ZFAND4: variants seen among roughly 807,000 people sequenced by gnomAD.
ZFAND4 encodes the protein zinc finger AN1-type containing 4.
Under a neutral mutation model 64.4 loss-of-function variants are expected in ZFAND4, and 43 were observed. The observed-to-expected ratio is 0.67, with a 90% CI of 0.52 to 0.86. The LOEUF is 0.86. Ranked by LOEUF, ZFAND4 falls within the 40% of genes least tolerant of loss-of-function variation. ZFAND4 has a pLI of 0.00. For synonymous variants in ZFAND4, 296 were observed against 305.7 expected (o/e 0.97, Z 0.33); for missense variants, 929 against 859.8 (o/e 1.08, Z -1.01).
At chr10:45,620,034 G>A (rs543062780) in intron 8 of ZFAND4, among the ~76,000 whole-genome samples, 10 of 152,250 alleles carry the variant, frequency 6.6e-5, no homozygotes, top group Non-Finnish European at 1.5e-4. Context: ...TAATCTACTC[G>A]AAACCATCTT....
At chr10:45,658,477 A>C (rs1261217325) in intron 2 of ZFAND4, among the ~76,000 whole-genome samples, 2 of 152,242 alleles carry the variant, frequency 1.3e-5, no homozygotes, top group Admixed American at 6.5e-5. Context: ...TTGCTATGAC[A>C]GCCCTAGCAA....
Position 45,648,433 on chromosome 10 carries a change from C to A in ZFAND4, c.430G>T (p.Val144Leu). ...TTCAATTGATCTCCTTCTTGGTATA[C>A]CAAAAATGTAACTTGTTTGCTGCAG... ...TSCSKQVTFL[V>L]YQEGDQLNFF... Residue 144 changes from valine to leucine, a missense_variant, in exon 5 of 10, where the codon GTA (valine) becomes TTA (leucine). Coordinates refer to ENST00000344646, the MANE Select transcript of ZFAND4 (RefSeq NM_174890.4). 1 of 1,613,884 alleles carries A rather than the reference C, an allele frequency of 6.2e-7. No homozygotes were observed. Among genetic ancestry groups the A allele is most frequent in the Non-Finnish European group, 8.5e-7 (1 of 1,179,958 alleles).
chr10:45,656,460 C>T (rs1343329986), intron 2 of ZFAND4, among the ~76,000 whole-genome samples: 1 of 138,366 alleles, frequency 7.2e-6, no homozygotes, highest in East Asian at 2.1e-4. Flanking sequence ...TGTAATGGTG[C>T]CACTGCACTC....
chr10:45,619,202 C>CT (rs1170186965), intron 8 of ZFAND4, among the ~76,000 whole-genome samples: 78 of 147,304 alleles, frequency 5.3e-4, no homozygotes, highest in African/African-American at 9.9e-4. Flanking sequence ...CCACGCTCAG[C>CT]TTTTTTTTTT....
intron 1 of ZFAND4, among the ~76,000 whole-genome samples, chr10:45,665,286 TC>T (rs1356828431): frequency 6.6e-6 from 1 of 152,126 alleles, no homozygotes; most frequent in Admixed American, 6.5e-5. Context: ...ACACCTGTAA[TC>T]CCAGCACGTT....
chr10:45,638,327 CAAA>C (rs1332591563), intron 6 of ZFAND4, among the ~76,000 whole-genome samples: 2 of 99,012 alleles, frequency 2.0e-5, no homozygotes, highest in African/African-American at 3.6e-5. Flanking sequence ...ACTAAAAATA[CAAA>C]AAAAAAAAAA....
intron 6 of ZFAND4, among the ~76,000 whole-genome samples, chr10:45,637,248 C>G (rs11239579): frequency 0.99 from 150,266 of 151,502 alleles, 74,536 homozygotes; most frequent in Middle Eastern, 1. Context: ...GGCTGAGGCA[C>G]GAGAATCACT....
rs536732420 is a variant in ZFAND4 at position 45,633,851 on chromosome 10, C to T, written c.717+5965G>A. ...ATCTATATTCTTCAAAAATATTTTACATGCATGTCCAAATAAGGCTTAGAA... is the reference window on the plus strand; with the variant it reads ...ATCTATATTCTTCAAAAATATTTTATATGCATGTCCAAATAAGGCTTAGAA... On this transcript the variant is annotated intron_variant, in intron 6 of 9. Coordinates refer to ENST00000344646, the MANE Select transcript of ZFAND4 (RefSeq NM_174890.4). 4.6e-5 allele frequency among the ~76,000 whole-genome samples: 7 copies of T among 152,258 alleles called. No individual in the cohort carries two copies. In the South Asian group the frequency reaches 1.0e-3, roughly 23 times the overall value.
At chr10:45,638,685 A>T (rs955708887) in intron 6 of ZFAND4, among the ~76,000 whole-genome samples, 2 of 152,336 alleles carry the variant, frequency 1.3e-5, no homozygotes, top group African/African-American at 4.8e-5. Flanking sequence ...AAAAGCCAAA[A>T]GCTAGAGACA....
chr10:45,654,546 G>A (rs868641896), intron 2 of ZFAND4, among the ~76,000 whole-genome samples: 9 of 151,978 alleles, frequency 5.9e-5, no homozygotes, highest in African/African-American at 2.2e-4. Context: ...TTGAACCTGG[G>A]AGGCAGAGGT....
chr10:45,663,907 C>T (rs1589436970), intron 1 of ZFAND4, 65 bp from the exon 2 acceptor site: 1 of 493,004 alleles, frequency 2.0e-6, no homozygotes, highest in Non-Finnish European at 3.4e-6. Flanking sequence ...AAAGATTTTC[C>T]GTTAACTGTG....
In ZFAND4 at chr10:45,627,051, T is replaced by C. The variant is rs149990764; in HGVS notation, c.772A>G (p.Ser258Gly). ...TGGCGAGATGGTGCAGTGGAACCAC[T>C]AGAAGGTCGAGGAGCTACAGGTGGG... is the stretch of plus-strand genomic sequence containing the variant. ...PHPPVAPRPS[S>G]GSTAPSRHRL... The change falls in exon 7 of 10, where the codon AGT (serine) becomes GGT (glycine). Residue 258 changes from serine (S) to glycine (G), a missense_variant. Ser to Gly is a moderately conservative substitution (Grantham distance 56, BLOSUM62 0). Coordinates refer to ENST00000344646, the MANE Select transcript of ZFAND4 (RefSeq NM_174890.4). The C allele has an allele frequency of 1.3e-6, 2 of 1,590,874 alleles. No individual in the cohort carries two copies. The highest frequency in any genetic ancestry group is 4.5e-5 in the East Asian group (2 of 44,698).
chr10:45,649,695 A>G (rs2047632472), intron 4 of ZFAND4: 1 of 152,246 alleles, frequency 6.6e-6, no homozygotes, highest in Non-Finnish European at 1.5e-5. Flanking sequence ...CCCAAAATGT[A>G]TAAATATTAA....
intron 6 of ZFAND4, among the ~76,000 whole-genome samples, chr10:45,633,067 A>T (rs1453640212): frequency 6.6e-6 from 1 of 152,164 alleles, no homozygotes; most frequent in Non-Finnish European, 1.5e-5. Context: ...CACAGTGAAA[A>T]TATGTTATTA....
intron 5 of ZFAND4, among the ~76,000 whole-genome samples, chr10:45,645,984 G>GA (rs140967230): frequency 0.06 from 9,061 of 151,380 alleles, 393 homozygotes; most frequent in African/African-American, 0.12. Context: ...CTATCTGTGT[G>GA]AAAAAAAAAT....
At chr10:45,635,053 A>G (rs1477300872) in intron 6 of ZFAND4, among the ~76,000 whole-genome samples, 1 of 152,016 alleles carries the variant, frequency 6.6e-6, no homozygotes, top group Admixed American at 6.6e-5. Context: ...TATTGTTAAA[A>G]TGTCCATACT....
intron 1 of ZFAND4, among the ~76,000 whole-genome samples, chr10:45,666,670 C>T (rs977301652): frequency 1.3e-5 from 2 of 152,096 alleles, no homozygotes; most frequent in African/African-American, 4.8e-5. Flanking sequence ...GTGTACTGTC[C>T]AATTTCAATT....
chr10:45,638,362 C>T (rs1399357616), intron 6 of ZFAND4, among the ~76,000 whole-genome samples: 6 of 150,568 alleles, frequency 4.0e-5, no homozygotes, highest in African/African-American at 1.2e-4. Context: ...GGCGTAGTGG[C>T]GGGCGCCTGT....
In ZFAND4 at chr10:45,639,904, G is replaced by A. The variant is rs755701554; in HGVS notation, c.629C>T (p.Ser210Phe). Reference protein sequence around the residue: ...DEDEETEPSSSGQQIIENSIT... With the variant: ...DEDEETEPSSFGQQIIENSIT... ...TGAATTTTCAATTATCTGTTGCCCA[G>A]AAGAAGAAGGCTCAGTTTCTTCATC... The change falls in exon 6 of 10, where the codon TCT (serine) becomes TTT (phenylalanine). Residue 210 changes from serine to phenylalanine, a missense_variant. Ser to Phe is a radical substitution (Grantham distance 155). Transcript: ENST00000344646. 3.1e-6 allele frequency: 5 copies of A among 1,613,072 alleles called. No homozygotes were observed. Among genetic ancestry groups the A allele is most frequent in the East Asian group, 4.5e-5 (2 of 44,842 alleles).
Sources: gnomAD v4.1 joint callset for allele counts (sites outside exome capture counted in the v4.1 genomes callset) on GRCh38, gnomAD v4.1.1 for gene constraint, MANE v1.5 for transcripts, NCBI Gene and HGNC (gene_info 2026-07-23, HGNC 2026-07-21) for gene names.